The following MTMR3 variants were observed in gnomAD, a reference collection of about 807,000 sequenced individuals.
The protein encoded by MTMR3 is myotubularin related protein 3.
A neutral mutation model predicts 132.4 loss-of-function variants in MTMR3; 32 were observed. That is an observed-to-expected ratio of 0.24 (90% CI 0.18 to 0.32). The LOEUF (loss-of-function observed/expected upper bound fraction) is 0.32. Ranked by LOEUF, MTMR3 falls within the 10% of genes least tolerant of loss-of-function variation. The pLI is 1.00. For missense variants in MTMR3, 1,216 were observed against 1,489.6 expected (o/e 0.82, Z 3.02); for synonymous variants, 556 against 550.3 (o/e 1.01, Z -0.14).
At chr22:29,908,982 CTTTTT>C (rs67722380) in intron 1 of MTMR3, among the ~76,000 whole-genome samples, 6 of 139,758 alleles carry the variant, frequency 4.3e-5, no homozygotes, top group African/African-American at 1.0e-4. Context: ...CTTTTCTTTT[CTTTTT>C]TTTTTTTTGA....
chr22:30,023,030 C>G (rs965818793), intron 19 of MTMR3: 2 of 409,358 alleles, frequency 4.9e-6, no homozygotes, highest in Non-Finnish European at 9.0e-6. Context: ...ATGAGCAAAA[C>G]CAGTTTTCCT....
At chr22:30,024,534 G>C (rs1169529876) in intron 19 of MTMR3, 3 of 152,074 alleles carry the variant, frequency 2.0e-5, no homozygotes, top group African/African-American at 4.8e-5. Context: ...TCCTTTTGTG[G>C]TATTCTTTTG....
chr22:30,022,451 T>C (rs2067787433), intron 18 of MTMR3, 158 bp from the exon 19 acceptor site: 1 of 666,526 alleles, frequency 1.5e-6, no homozygotes, highest in Non-Finnish European at 2.6e-6. Context: ...GGGAAACGAT[T>C]TGGACGCCTT....
chr22:29,974,827 T>C (rs2066599757), intron 3 of MTMR3, among the ~76,000 whole-genome samples: 1 of 152,192 alleles, frequency 6.6e-6, no homozygotes, highest in Admixed American at 6.5e-5. Context: ...AAAAAGTTAA[T>C]GTGATGCTGA....
At chr22:29,915,308 AT>A (rs1264780319) in intron 1 of MTMR3, among the ~76,000 whole-genome samples, 3 of 152,056 alleles carry the variant, frequency 2.0e-5, no homozygotes, top group South Asian at 2.1e-4. Context: ...TATTTGCATA[AT>A]TTTTTCCCAT....
chr22:29,961,823 A>G (rs1357775513), intron 2 of MTMR3, among the ~76,000 whole-genome samples: 1 of 152,208 alleles, frequency 6.6e-6, no homozygotes, highest in African/African-American at 2.4e-5. Context: ...CAAGTGTACC[A>G]TTTTAATCTT....
At chr22:29,933,011 C>G (rs893646108) in intron 1 of MTMR3, among the ~76,000 whole-genome samples, 1 of 152,052 alleles carries the variant, frequency 6.6e-6, no homozygotes, top group East Asian at 1.9e-4. Flanking sequence ...CTCTGTTGCT[C>G]AGGCTGGAGT....
rs538455638 is a variant in MTMR3 at position 29,949,066 on chromosome 22, C to CT, written c.-137-7969dup. Among the ~76,000 whole-genome samples, 615 of 146,896 alleles carry CT rather than the reference C, an allele frequency of 4.2e-3. 5 individuals are homozygous for CT. The highest frequency in any genetic ancestry group is 0.015 in the African/African-American group (578 of 39,520). ...TGAGCCACAATCATGCCACTGCACT[C>CT]TAGCCTGGGCGACAGCGAGGCCCTG... On this transcript the variant is annotated intron_variant, in intron 1 of 19. Transcript: ENST00000401950.
intron 1 of MTMR3, among the ~76,000 whole-genome samples, chr22:29,890,059 A>G (rs2064765404): frequency 6.6e-6 from 1 of 151,756 alleles, no homozygotes; most frequent in Admixed American, 6.6e-5. Context: ...GGCGCATGCC[A>G]CCACGCCCGG....
chr22:29,963,843 G>GAA (rs398061878), intron 2 of MTMR3, among the ~76,000 whole-genome samples: 120 of 143,892 alleles, frequency 8.3e-4, no homozygotes, highest in Admixed American at 1.2e-3. Context: ...CCCTGTAGTG[G>GAA]AAAAAAAAAA....
At chr22:29,958,009 A>T (rs1169085394) in intron 2 of MTMR3, among the ~76,000 whole-genome samples, 6 of 151,938 alleles carry the variant, frequency 3.9e-5, no homozygotes, top group Non-Finnish European at 8.8e-5. Context: ...ATATATATGT[A>T]TGTAGTTTTC....
intron 3 of MTMR3, among the ~76,000 whole-genome samples, chr22:29,972,782 G>A (rs999786699): frequency 6.6e-6 from 1 of 152,180 alleles, no homozygotes; most frequent in Non-Finnish European, 1.5e-5. Flanking sequence ...TGTTGGCCAG[G>A]CTGGTCTCGA....
At chr22:29,978,416 T>A in intron 3 of MTMR3, 26 bp from the exon 4 acceptor site, 1 of 1,574,594 alleles carries the variant, frequency 6.4e-7, no homozygotes, top group Non-Finnish European at 8.7e-7. Context: ...GCTTTGAAAT[T>A]ATTTTAAGGT....
intron 1 of MTMR3, among the ~76,000 whole-genome samples, chr22:29,926,585 T>C (rs537294487): frequency 2.6e-5 from 4 of 152,218 alleles, no homozygotes; most frequent in Admixed American, 1.3e-4. Flanking sequence ...GTCATGCTAG[T>C]GGGTTTAAAG....
At chr22:30,023,167 A>G (rs1569056757) in intron 19 of MTMR3, 2 of 474,652 alleles carry the variant, frequency 4.2e-6, no homozygotes, top group Non-Finnish European at 7.7e-6. Context: ...CAGTCTTCCA[A>G]TCATTAAGGT....
At chr22:29,967,099 A>G (rs1252992525) in intron 2 of MTMR3, among the ~76,000 whole-genome samples, 1 of 151,672 alleles carries the variant, frequency 6.6e-6, no homozygotes, top group African/African-American at 2.4e-5. Context: ...GGGGCTTAGA[A>G]TGCTCATTGC....
chr22:30,022,350 C>T (rs1248007344), intron 18 of MTMR3: 5 of 607,772 alleles, frequency 8.2e-6, no homozygotes, highest in Non-Finnish European at 1.5e-5. Flanking sequence ...CTCTTCATTG[C>T]CTCTATGAAC....
chr22:30,015,264 C>T (rs376314050), intron 14 of MTMR3: 7 of 151,708 alleles, frequency 4.6e-5, no homozygotes, highest in African/African-American at 1.7e-4. Context: ...GCTTTGTTGC[C>T]CAGGCAGGTC....
chr22:29,939,002 A>G (rs1175441895), intron 1 of MTMR3, among the ~76,000 whole-genome samples: 3 of 151,942 alleles, frequency 2.0e-5, no homozygotes, highest in Non-Finnish European at 4.4e-5. Context: ...TTGTATTTTT[A>G]GTAGAGGCGG....
Sources: allele counts gnomAD v4.1 joint callset (sites outside exome capture counted in the v4.1 genomes callset), GRCh38; gene constraint gnomAD v4.1.1; transcripts MANE v1.5; gene names NCBI Gene and HGNC (gene_info 2026-07-23, HGNC 2026-07-21).